SORCS3: variants seen among roughly 807,000 people sequenced by gnomAD.
The protein encoded by SORCS3 is sortilin related VPS10 domain containing receptor 3.
A neutral mutation model predicts 146.3 loss-of-function variants in SORCS3; 57 were observed. The observed-to-expected ratio is 0.39, with a 90% CI of 0.31 to 0.49. The LOEUF (loss-of-function observed/expected upper bound fraction) is 0.49. Among genes scored for constraint, SORCS3 ranks in the 20% least tolerant of loss-of-function variants. The pLI, the probability that SORCS3 is intolerant of heterozygous loss-of-function variation, is 0.92. For missense variants in SORCS3, 1,341 were observed against 1,575.5 expected, an observed-to-expected ratio of 0.85 and a Z score of 2.52; for synonymous variants, 653 against 618.5, an observed-to-expected ratio of 1.06 and a Z score of -0.83.
intron 20 of SORCS3, among the ~76,000 whole-genome samples, chr10:105,227,031 AT>A (rs1352784980): frequency 1.3e-5 from 2 of 151,298 alleles, no homozygotes; most frequent in East Asian, 1.9e-4. Context: ...CTTTTGTATT[AT>A]TTTTTTAGTC....
chr10:104,674,961 T>A (rs1425951972), intron 1 of SORCS3, among the ~76,000 whole-genome samples: 1 of 152,242 alleles, frequency 6.6e-6, no homozygotes. Flanking sequence ...TTTTTGGACA[T>A]CTGTACTCAT....
intron 1 of SORCS3, among the ~76,000 whole-genome samples, chr10:104,827,100 C>T (rs913248411): frequency 1.3e-5 from 2 of 152,114 alleles, no homozygotes; most frequent in Non-Finnish European, 2.9e-5. Context: ...GTCTTAAACC[C>T]CTCAAACTTA....
chr10:105,008,019 G>A (rs1465225239), intron 4 of SORCS3, among the ~76,000 whole-genome samples: 1 of 152,154 alleles, frequency 6.6e-6, no homozygotes, highest in Non-Finnish European at 1.5e-5. Context: ...GAATGGAGAA[G>A]CAAGAACAAA....
At chr10:104,783,159 C>A (rs190740339) in intron 1 of SORCS3, among the ~76,000 whole-genome samples, 176 of 152,272 alleles carry the variant, frequency 1.2e-3, no homozygotes, top group Admixed American at 2.6e-3. Context: ...CCTTGACCAT[C>A]CTAATGTCCA....
rs116995748 is a variant in SORCS3, at chr10:105,190,173, A to G, written c.2010-9826A>G. ...TTAAAAAAGAGTAACAGCCTTGCTG[A>G]AAACACACATTGCTGAGAATTGTTT... On this transcript the variant is annotated intron_variant, in intron 14 of 26. Transcript: ENST00000369701. Among the ~76,000 whole-genome samples, 973 of 152,356 alleles carry G rather than the reference A, an allele frequency of 6.4e-3. 11 individuals are homozygous for G. Among genetic ancestry groups the G allele is most frequent in the Middle Eastern group, 0.031 (9 of 294 alleles).
intron 16 of SORCS3, among the ~76,000 whole-genome samples, chr10:105,210,639 T>A (rs779503345): frequency 1.3e-5 from 2 of 152,194 alleles, no homozygotes; most frequent in Non-Finnish European, 2.9e-5. Flanking sequence ...AGAGCTACAG[T>A]GTAGTTTTAT....
At chr10:104,716,303 G>T (rs2016478161) in intron 1 of SORCS3, among the ~76,000 whole-genome samples, 3 of 152,154 alleles carry the variant, frequency 2.0e-5, no homozygotes, top group South Asian at 4.1e-4. Flanking sequence ...TATCTACACG[G>T]AAGGTCCTCA....
chr10:104,977,306 C>T (rs2054905244), intron 3 of SORCS3, 29 bp from the exon 4 acceptor site: 1 of 1,544,470 alleles, frequency 6.5e-7, no homozygotes, highest in African/African-American at 1.4e-5. Context: ...CTAACTCTGT[C>T]TGTATATGTC....
At chr10:104,737,178 C>T (rs1028125734) in intron 1 of SORCS3, among the ~76,000 whole-genome samples, 1 of 152,160 alleles carries the variant, frequency 6.6e-6, no homozygotes, top group Non-Finnish European at 1.5e-5. Context: ...CAGTCTATCC[C>T]TGTTGGACAT....
intron 14 of SORCS3, among the ~76,000 whole-genome samples, chr10:105,188,823 A>G (rs1217674148): frequency 1.3e-5 from 2 of 152,222 alleles, no homozygotes; most frequent in East Asian, 3.9e-4. Flanking sequence ...TCTCAAATTA[A>G]TGACATCCAG....
chr10:104,695,576 G>A (rs1468246730), intron 1 of SORCS3, among the ~76,000 whole-genome samples: 1 of 151,872 alleles, frequency 6.6e-6, no homozygotes, highest in Non-Finnish European at 1.5e-5. Context: ...ATTCCTCAGA[G>A]GTAACCACCC....
chr10:105,136,351 C>T (rs967863950), intron 7 of SORCS3, among the ~76,000 whole-genome samples: 1 of 152,142 alleles, frequency 6.6e-6, no homozygotes, highest in African/African-American at 2.4e-5. Flanking sequence ...TCTTATAAAG[C>T]ACTGATCCCT....
rs186285491 is a variant in SORCS3 at position 104,987,190 on chromosome 10, G to A, written c.954+9697G>A. The stretch of plus-strand genomic sequence containing the variant: ...GAAAGGAAGGAATGAAGGACGGAAC[G>A]AAAGAAGGAAGGAATGAATGTAGGA... On this transcript the variant is annotated intron_variant, in intron 4 of 26. Transcript: ENST00000369701. Among the ~76,000 whole-genome samples, 244 of 151,916 alleles carry A rather than the reference G, an allele frequency of 1.6e-3. 1 individual carries two copies. The highest frequency in any genetic ancestry group is 6.8e-3 in the Middle Eastern group (2 of 294).
At chr10:105,254,342 G>C (rs2056918181) in intron 23 of SORCS3, among the ~76,000 whole-genome samples, 1 of 152,166 alleles carries the variant, frequency 6.6e-6, no homozygotes, top group Non-Finnish European at 1.5e-5. Flanking sequence ...GGTCTTTTTA[G>C]AGGGTTATAA....
At chr10:104,735,900 A>G (rs1435896619) in intron 1 of SORCS3, among the ~76,000 whole-genome samples, 1 of 152,158 alleles carries the variant, frequency 6.6e-6, no homozygotes, top group Non-Finnish European at 1.5e-5. Context: ...TCATCCCCCA[A>G]GAAAAGAAAT....
chr10:104,970,546 C>T (rs1364555722), intron 3 of SORCS3, among the ~76,000 whole-genome samples: 3 of 152,294 alleles, frequency 2.0e-5, no homozygotes, highest in African/African-American at 7.2e-5. Context: ...GTTTCCCCTA[C>T]CCCTACCCCT....
chr10:105,006,672 T>G (rs1020524317), intron 4 of SORCS3, among the ~76,000 whole-genome samples: 16 of 152,312 alleles, frequency 1.1e-4, no homozygotes, highest in African/African-American at 3.6e-4. Flanking sequence ...CCACTTAATT[T>G]TCTTTGCTCT....
chr10:105,078,304 C>T (rs1042910684), intron 5 of SORCS3, among the ~76,000 whole-genome samples: 6 of 152,042 alleles, frequency 3.9e-5, no homozygotes, highest in African/African-American at 1.2e-4. Flanking sequence ...CAGGGAGGCA[C>T]GGTGCTAGGC....
At chr10:105,244,507 C>A (rs2056854486) in intron 20 of SORCS3, among the ~76,000 whole-genome samples, 1 of 152,094 alleles carries the variant, frequency 6.6e-6, no homozygotes. Flanking sequence ...TTTGTATACA[C>A]AGCGGTCCTG....
Sources: gnomAD v4.1 joint callset for allele counts (sites outside exome capture counted in the v4.1 genomes callset) on GRCh38, gnomAD v4.1.1 for gene constraint, MANE v1.5 for transcripts, NCBI Gene and HGNC (gene_info 2026-07-23, HGNC 2026-07-21) for gene names.